Variants in CRIP2 observed in about 807,000 individuals in gnomAD.
CRIP2 encodes the protein cysteine rich protein 2, also known as cysteine-rich protein 2.
Under a neutral mutation model 31.3 loss-of-function variants are expected in CRIP2, and 31 were observed. The observed-to-expected ratio is 0.99, with a 90% CI of 0.74 to 1.34. CRIP2 has a LOEUF of 1.34. CRIP2 is among the 40% of genes most tolerant of loss of function. The probability of loss-of-function intolerance (pLI) is 0.00; values close to 1 mark genes in which losing one functional copy is unlikely to be tolerated. For synonymous variants in CRIP2, 177 were observed against 127.2 expected (o/e 1.39, Z -2.63); for missense variants, 389 against 301.6 (o/e 1.29, Z -2.15).
In CRIP2 at chr14:105,478,378, G is replaced by C; in HGVS notation, c.138+18G>C. The C allele has an allele frequency of 6.4e-7, 1 of 1,572,332 alleles. No individual in the cohort carries two copies. The highest frequency in any genetic ancestry group is 1.1e-5 in the South Asian group (1 of 87,318). ...ACGCCGAGGTGAGCCCCACTGCGCG[G>C]CGCGGGCGGGGGCGGGGGTCGCGAC... On this transcript the variant is annotated intron_variant, in intron 2 of 7. Transcript: ENST00000329146. The surrounding 1 kb of genome is among the most constrained non-coding windows in gnomAD (Gnocchi z 4.9).
Position 105,479,798 on chromosome 14 carries a change from A to C in CRIP2, c.*145A>C. On this transcript the variant is annotated 3_prime_UTR_variant, in exon 8 of 8. Transcript: ENST00000329146. ...TATTGGAGGAGGGGCAGCCACGGGC[A>C]GAGCACCATGCCCATCCCCGAGTCT... is the stretch of plus-strand genomic sequence containing the variant. The C allele has an allele frequency of 1.2e-6, 1 of 838,634 alleles. No individual in the cohort carries two copies. Among genetic ancestry groups the C allele is most frequent in the East Asian group, 2.7e-5 (1 of 37,362 alleles). The allele number at this position is 838,634 out of a possible 1,614,324, so 51.9% of individuals were successfully genotyped here.
upstream of CRIP2, chr14:105,473,073 G>A (rs2083869620): frequency 4.3e-6 from 3 of 697,438 alleles, no homozygotes; most frequent in East Asian, 2.7e-5. Context: ...AGCAAAGTCA[G>A]GGAGGGTAAT....
rs2083991576 is a variant in CRIP2, at chr14:105,478,186, G to A, written c.44-80G>A. 4 of 1,154,018 alleles carry A rather than the reference G, an allele frequency of 3.5e-6. No homozygotes were observed. Among genetic ancestry groups the A allele is most frequent in the African/African-American group, 3.3e-5 (2 of 60,934 alleles). The allele number at this position is 1,154,018 out of a possible 1,614,324, so 71.5% of individuals were successfully genotyped here. On this transcript the variant is annotated intron_variant, in intron 1 of 7. Transcript: ENST00000329146. This position sits in a 1 kb window ranked among gnomAD's most constrained non-coding sequence, Gnocchi z 4.9. ...AAGTGGGGACCCCCGGAGCGCGTGGGGGTGGTGGCTGCCAGGTGGGGGCGG... is the reference window on the plus strand; with the variant it reads ...AAGTGGGGACCCCCGGAGCGCGTGGAGGTGGTGGCTGCCAGGTGGGGGCGG...
rs1010249030 is a variant in CRIP2 at position 105,478,323 on chromosome 14, G to A, written c.101G>A (p.Arg34His). Reference sequence around the variant, plus strand: ...CACAAGTTCTGCCTCAAGTGCGAGCGCTGCAGCAAGACGCTGACGCCCGGG... The same window carrying A: ...CACAAGTTCTGCCTCAAGTGCGAGCACTGCAGCAAGACGCTGACGCCCGGG... ...DWHKFCLKCERCSKTLTPGGH... is the reference protein window; with the variant it reads ...DWHKFCLKCEHCSKTLTPGGH... The change falls in exon 2 of 8, where the codon CGC becomes CAC. Residue 34 changes from arginine (R) to histidine (H), a missense_variant. Arg to His is a conservative substitution (Grantham distance 29). Transcript: ENST00000329146. The surrounding 1 kb of genome is among the most constrained non-coding windows in gnomAD (Gnocchi z 4.9). The A allele has an allele frequency of 2.5e-6, 4 of 1,569,428 alleles. No homozygotes were observed. Among genetic ancestry groups the A allele is most frequent in the East Asian group, 4.7e-5 (2 of 42,674 alleles).
chr14:105,477,543 G>A (rs1040140039), intron 1 of CRIP2: 4 of 984,376 alleles, frequency 4.1e-6, no homozygotes, highest in African/African-American at 1.8e-5. Context: ...GCGTGTCAGT[G>A]CGAGGCAGGT....
chr14:105,477,202 GCC>G, intron 1 of CRIP2: 4 of 913,892 alleles, frequency 4.4e-6, no homozygotes, highest in African/African-American at 1.8e-5. Flanking sequence ...ACCTCTTCCT[GCC>G]TGGCTCCCTA....
At chr14:105,475,151 C>G (rs1213864775) in intron 1 of CRIP2, among the ~76,000 whole-genome samples, 1 of 151,982 alleles carries the variant, frequency 6.6e-6, no homozygotes, top group Non-Finnish European at 1.5e-5. Flanking sequence ...CAGGGACCAC[C>G]CGGGCGGGGC....
At chr14:105,473,214 G>A (rs1555435112), upstream of CRIP2, 4 of 1,533,316 alleles carry the variant, frequency 2.6e-6, no homozygotes, top group Non-Finnish European at 3.5e-6. Flanking sequence ...GGGCCTGCCA[G>A]GGAGGAAGGG....
At position 105,478,603 on chromosome 14, in the gene CRIP2, C is replaced by T. The variant is rs1215774845; in HGVS notation, c.196+96C>T. The T allele has an allele frequency of 2.6e-6, 4 of 1,523,070 alleles. No homozygotes were observed. The highest frequency in any genetic ancestry group is 4.9e-5 in the East Asian group (2 of 40,962). The allele number at this position is 1,523,070 out of a possible 1,614,324, so 94.3% of individuals were successfully genotyped here. ...CTGGGGGTCCCGGCCGCCGTGGATC[C>T]CCGCCCAGAGTCCCTGCCACCCTGG... On this transcript the variant is annotated intron_variant, in intron 3 of 7. Coordinates refer to ENST00000329146, the MANE Select transcript of CRIP2 (RefSeq NM_001312.4). This position sits in a 1 kb window ranked among gnomAD's most constrained non-coding sequence, Gnocchi z 4.9.
At chr14:105,479,299 G>C (rs587734882) in intron 6 of CRIP2, 80 bp downstream of exon 6, 2 of 1,517,588 alleles carry the variant, frequency 1.3e-6, no homozygotes, top group African/African-American at 1.4e-5. Flanking sequence ...GCGCCTAGAG[G>C]GGATGGGGGG....
Position 105,476,530 on chromosome 14 carries a change from G to A in CRIP2, c.43+1625G>A, listed in dbSNP as rs1284891191. ...AGCCATTAGACCCAATCGATTCTGT[G>A]TTCCCAACTCGGACCCGTAATGTGT... On this transcript the variant is annotated intron_variant, in intron 1 of 7. Transcript: ENST00000329146. The A allele has an allele frequency of 7.1e-6, 7 of 985,406 alleles. No homozygotes were observed. In the African/African-American group the frequency reaches 1.2e-4, roughly 17 times the overall value. The allele number at this position is 985,406 out of a possible 1,614,324, so 61.0% of individuals were successfully genotyped here.
upstream of CRIP2, chr14:105,473,324 G>C (rs1276389333): frequency 1.3e-6 from 2 of 1,532,208 alleles, no homozygotes; most frequent in East Asian, 4.9e-5. Flanking sequence ...CTGGTCAGTC[G>C]GGCGGGGGGG....
At chr14:105,476,792 G>A (rs1373340800) in intron 1 of CRIP2, 1 of 983,558 alleles carries the variant, frequency 1.0e-6, no homozygotes, top group African/African-American at 1.7e-5. Flanking sequence ...AGGGCTCTAA[G>A]CTGGTGCAGC....
chr14:105,474,978 C>A lies in CRIP2; in HGVS notation c.43+73C>A. On this transcript the variant is annotated intron_variant, in intron 1 of 7. Transcript: ENST00000329146. The surrounding 1 kb of genome is among the most constrained non-coding windows in gnomAD (Gnocchi z 5.1). ...TCGCGGCCAGTCCCGCGCCGCAGAG[C>A]CGCGGCGTAACTCGGGGTGCGCCCG... is the stretch of plus-strand genomic sequence containing the variant. 7.3e-7 allele frequency: 1 copy of A among 1,378,270 alleles called. No individual in the cohort carries two copies. 85.4% of individuals were successfully genotyped at this position (1,378,270 alleles called of 1,614,324 possible).
rs1219561986 is a variant in CRIP2, at chr14:105,479,857, C to T, written c.*204C>T. The T allele has an allele frequency of 1.6e-5, 10 of 610,686 alleles. No homozygotes were observed. The highest frequency in any genetic ancestry group is 1.1e-4 in the African/African-American group (6 of 54,290). The allele number at this position is 610,686 out of a possible 1,614,324, so 37.8% of individuals were successfully genotyped here. A position where few individuals can be genotyped will look rare whatever the true frequency, so the allele number is the denominator to read the frequency against. On this transcript the variant is annotated 3_prime_UTR_variant, in exon 8 of 8. Transcript: ENST00000329146. ...TCTGCCCCCTCTGGCATCCTCTGGG[C>T]GTCCCATGATCCCTTCTGTGTCTGC... is the stretch of plus-strand genomic sequence containing the variant.
At chr14:105,475,721 T>TGGGC in intron 1 of CRIP2, 1 of 699,134 alleles carries the variant, frequency 1.4e-6, no homozygotes, top group Non-Finnish European at 1.8e-6. Context: ...TCCCCCCGTC[T>TGGGC]GGGCTTACTC....
In CRIP2 at chr14:105,478,207, G is replaced by A; in HGVS notation, c.44-59G>A. 1 of 1,350,262 alleles carries A rather than the reference G, an allele frequency of 7.4e-7. No homozygotes were observed. The highest frequency in any genetic ancestry group is 9.8e-7 in the Non-Finnish European group (1 of 1,022,752). The allele number at this position is 1,350,262 out of a possible 1,614,324, so 83.6% of individuals were successfully genotyped here. On this transcript the variant is annotated intron_variant, in intron 1 of 7. Coordinates refer to ENST00000329146, the MANE Select transcript of CRIP2 (RefSeq NM_001312.4). This position sits in a 1 kb window ranked among gnomAD's most constrained non-coding sequence, Gnocchi z 4.9. ...GTGGGGGTGGTGGCTGCCAGGTGGG[G>A]GCGGAGGGGGTGCGGGGCGCGCCCC...
At chr14:105,476,261 C>T (rs587648584) in intron 1 of CRIP2, 284 of 985,518 alleles carry the variant, frequency 2.9e-4, no homozygotes, top group Non-Finnish European at 3.3e-4. Flanking sequence ...GTGGACAGCC[C>T]GGAAAGGCCT....
rs781862722 is a variant in CRIP2 at position 105,478,255 on chromosome 14, C to T, written c.44-11C>T. Reference sequence around the variant, plus strand: ...CCCGGCCCTGACCCCCCTGCCGCCCCTCCCGCTCAGCCGAGAAGGTGAGCT... The same window carrying T: ...CCCGGCCCTGACCCCCCTGCCGCCCTTCCCGCTCAGCCGAGAAGGTGAGCT... On this transcript the variant is annotated splice_polypyrimidine_tract_variant and intron_variant, in intron 1 of 7. Coordinates refer to ENST00000329146, the MANE Select transcript of CRIP2 (RefSeq NM_001312.4). This position sits in a 1 kb window ranked among gnomAD's most constrained non-coding sequence, Gnocchi z 4.9. 1.3e-6 allele frequency: 2 copies of T among 1,536,276 alleles called. No homozygotes were observed. Among genetic ancestry groups the T allele is most frequent in the African/African-American group, 1.4e-5 (1 of 71,022 alleles).
Sources: gnomAD v4.1 joint callset for allele counts (sites outside exome capture counted in the v4.1 genomes callset) on GRCh38, gnomAD v4.1.1 for gene constraint, Gnocchi (gnomAD v3.1) non-coding constraint, MANE v1.5 for transcripts, NCBI Gene and HGNC (gene_info 2026-07-23, HGNC 2026-07-21) for gene names.